Variants in TAS2R1 observed in about 807,000 individuals in gnomAD.
The protein encoded by TAS2R1 is taste receptor type 2 member 1.
For synonymous variants in TAS2R1, 141 were observed against 134.2 expected (o/e 1.05, Z -0.35); for missense variants, 370 against 353.4 (o/e 1.05, Z -0.38).
At chr5:9,877,446 C>A in the TAS2R1 span, among the ~76,000 whole-genome samples, 8 of 152,194 alleles carry the variant, frequency 5.3e-5, no homozygotes, top group African/African-American at 1.9e-4. Flanking sequence ...AATACACATA[C>A]AAATTATGCC....
chr5:9,719,774 C>T, the TAS2R1 span, among the ~76,000 whole-genome samples: 3 of 123,066 alleles, frequency 2.4e-5, no homozygotes, highest in African/African-American at 7.8e-5. Flanking sequence ...AAAAATTAGC[C>T]GGGCGTGGTG....
chr5:9,708,137 A>G (rs1332492511), intron 1 of TAS2R1, among the ~76,000 whole-genome samples: 1 of 152,212 alleles, frequency 6.6e-6, no homozygotes, highest in African/African-American at 2.4e-5. Flanking sequence ...CCAAAGAGGA[A>G]AAAAAGAAGG....
At chr5:9,715,580 G>A (rs111746378), upstream of TAS2R1, among the ~76,000 whole-genome samples, 3 of 152,378 alleles carry the variant, frequency 2.0e-5, no homozygotes, top group African/African-American at 7.2e-5. Context: ...ATAGGGGACA[G>A]GACAGGTGGG....
the TAS2R1 span, among the ~76,000 whole-genome samples, chr5:9,738,023 C>T: frequency 1.3e-5 from 2 of 152,192 alleles, no homozygotes; most frequent in Non-Finnish European, 1.5e-5. Flanking sequence ...AGACCTTTCT[C>T]TCCACCTGGA....
At chr5:9,842,751 T>C in the TAS2R1 span, among the ~76,000 whole-genome samples, 1 of 151,986 alleles carries the variant, frequency 6.6e-6, no homozygotes, top group South Asian at 2.1e-4. Context: ...TGGGTCCTAA[T>C]TGGAAGCCTG....
At chr5:9,640,036 G>C in intron 2 of TAS2R1, among the ~76,000 whole-genome samples, 1 of 152,068 alleles carries the variant, frequency 6.6e-6, no homozygotes, top group Non-Finnish European at 1.5e-5. Context: ...GCCTATCATG[G>C]CTCTCAACAT....
At chr5:9,821,716 TA>T in the TAS2R1 span, among the ~76,000 whole-genome samples, 1 of 152,246 alleles carries the variant, frequency 6.6e-6, no homozygotes, top group African/African-American at 2.4e-5. Context: ...ACACAAGCAT[TA>T]ACTGGAAAAT....
chr5:9,767,528 T>A, the TAS2R1 span, among the ~76,000 whole-genome samples: 1 of 152,140 alleles, frequency 6.6e-6, no homozygotes, highest in East Asian at 1.9e-4. Context: ...TTCATCAAAG[T>A]AAGGCTGGCA....
the TAS2R1 span, among the ~76,000 whole-genome samples, chr5:9,875,260 G>A: frequency 6.6e-6 from 1 of 152,172 alleles, no homozygotes; most frequent in Non-Finnish European, 1.5e-5. Context: ...GGAATGTGGT[G>A]GGGAACTGGA....
At chr5:9,629,331 C>CA (rs2126472380), downstream of TAS2R1, 1 of 1,613,452 alleles carries the variant, frequency 6.2e-7, no homozygotes, top group Non-Finnish European at 8.5e-7. Context: ...AGTAGAGGAT[C>CA]AGGAAGGACA....
intron 1 of TAS2R1, among the ~76,000 whole-genome samples, chr5:9,669,438 C>G (rs1483372781): frequency 6.6e-6 from 1 of 152,224 alleles, no homozygotes; most frequent in African/African-American, 2.4e-5. Flanking sequence ...GAACTCTGTA[C>G]CCCAAAACAA....
chr5:9,810,851 T>C, the TAS2R1 span, among the ~76,000 whole-genome samples: 5 of 152,192 alleles, frequency 3.3e-5, no homozygotes, highest in African/African-American at 1.2e-4. Flanking sequence ...AATGTTGCAC[T>C]ATTTTCACAT....
upstream of TAS2R1, among the ~76,000 whole-genome samples, chr5:9,630,610 A>G (rs1036448485): frequency 6.6e-6 from 1 of 152,228 alleles, no homozygotes; most frequent in Non-Finnish European, 1.5e-5. Context: ...ACATAATAAA[A>G]GTATCTCTAA....
the TAS2R1 span, among the ~76,000 whole-genome samples, chr5:9,750,346 A>T: frequency 1.3e-5 from 2 of 152,154 alleles, no homozygotes; most frequent in Admixed American, 6.6e-5. Flanking sequence ...AACATAGCCC[A>T]CACCTTTGCA....
At chr5:9,884,271 C>T in the TAS2R1 span, among the ~76,000 whole-genome samples, 5 of 151,694 alleles carry the variant, frequency 3.3e-5, no homozygotes, top group East Asian at 1.9e-4. Context: ...GTCAGGAGAT[C>T]GAGACCATCC....
intron 1 of TAS2R1, among the ~76,000 whole-genome samples, chr5:9,668,853 C>G (rs1282699314): frequency 6.6e-6 from 1 of 151,728 alleles, no homozygotes. Context: ...AAAAACCACA[C>G]AATCAAGTCT....
chr5:9,651,437 T>C (rs1324803325), intron 2 of TAS2R1, among the ~76,000 whole-genome samples: 2 of 152,086 alleles, frequency 1.3e-5, no homozygotes, highest in Non-Finnish European at 2.9e-5. Context: ...TGTGACATAG[T>C]CCAATAATAT....
the TAS2R1 span, among the ~76,000 whole-genome samples, chr5:9,898,267 T>C: frequency 3.9e-5 from 6 of 152,170 alleles, no homozygotes; most frequent in African/African-American, 1.2e-4. Flanking sequence ...GAGTAGGAAG[T>C]ACAGAATTCC....
the TAS2R1 span, among the ~76,000 whole-genome samples, chr5:9,884,923 T>C: frequency 1.1e-4 from 16 of 152,248 alleles, no homozygotes; most frequent in Non-Finnish European, 2.9e-5. Context: ...ACTTTCTAAA[T>C]TGACATTCAC....
Sources: allele counts gnomAD v4.1 joint callset (sites outside exome capture counted in the v4.1 genomes callset), GRCh38; gene constraint gnomAD v4.1.1; transcripts MANE v1.5; gene names NCBI Gene and HGNC (gene_info 2026-07-23, HGNC 2026-07-21).